AP1B1: variants seen among roughly 807,000 people sequenced by gnomAD.
AP1B1 encodes AP-1 complex subunit beta-1.
In AP1B1, 36 loss-of-function variants were observed where a neutral mutation model predicts 104.3. The ratio of observed to expected loss-of-function variants is 0.35; its 90% CI spans 0.26 to 0.46. The LOEUF is 0.46. Ranked by LOEUF, AP1B1 falls within the 20% of genes least tolerant of loss-of-function variation. AP1B1 has a pLI of 1.00. For missense variants in AP1B1, 901 were observed against 1,247.9 expected (o/e 0.72, Z 4.19); for synonymous variants, 504 against 517.5 (o/e 0.97, Z 0.35).
intron 16 of AP1B1, among the ~76,000 whole-genome samples, chr22:29,336,054 C>G (rs1451768009): frequency 2.0e-5 from 3 of 152,166 alleles, no homozygotes; most frequent in African/African-American, 7.2e-5. Flanking sequence ...GGGTTCATGG[C>G]ATCTCACACA....
chr22:29,351,108 C>G (rs1374932041), intron 9 of AP1B1, 63 bp downstream of exon 9: 1 of 1,491,054 alleles, frequency 6.7e-7, no homozygotes, highest in Non-Finnish European at 9.2e-7. Flanking sequence ...TTGAATCAGA[C>G]TGGTTTCCCG....
intron 21 of AP1B1, chr22:29,330,072 G>A (rs2061534146): frequency 7.1e-7 from 1 of 1,412,780 alleles, no homozygotes; most frequent in Admixed American, 2.9e-5. Context: ...CAGGGCCAGG[G>A]CCTGTGCCCA....
chr22:29,378,954 T>C (rs531146826), intron 1 of AP1B1, among the ~76,000 whole-genome samples: 1 of 151,878 alleles, frequency 6.6e-6, no homozygotes, highest in African/African-American at 2.4e-5. Flanking sequence ...AAATGTCACA[T>C]GCAAACGTTC....
At chr22:29,333,128 C>G (rs2061586914) in intron 17 of AP1B1, 1 of 154,680 alleles carries the variant, frequency 6.5e-6, no homozygotes, top group Non-Finnish European at 1.5e-5. Flanking sequence ...CCGGTCTGCC[C>G]AAGGGTCAGG....
Position 29,359,896 on chromosome 22 carries a change from T to C in AP1B1, c.207A>G (p.Val69=), listed in dbSNP as rs2062017093. 2 of 1,614,112 alleles carry C rather than the reference T, an allele frequency of 1.2e-6. No homozygotes were observed. Among genetic ancestry groups the C allele is most frequent in the East Asian group, 4.5e-5 (2 of 44,894 alleles). The change falls in exon 4 of 23, where the codon GTA becomes GTG. Residue 69 remains valine (V), a synonymous_variant. Transcript: ENST00000357586. ...QTDNLELKKL[V]YLYLMNYAKS... is the part of the protein sequence containing the mutation. ...TGGCGTAATTCATCAAGTAGAGGTA[T>C]ACTAGCTTCTTCAGCTCCAGGTTGT...
intron 6 of AP1B1, 30 bp from the exon 7 acceptor site, chr22:29,354,901 C>T (rs549513344): frequency 1.9e-6 from 3 of 1,583,846 alleles, no homozygotes; most frequent in African/African-American, 2.7e-5. Flanking sequence ...ACGGGGCAAA[C>T]AGGAAAGACA....
chr22:29,343,197 C>T (rs1026908304), intron 11 of AP1B1, among the ~76,000 whole-genome samples: 3 of 152,250 alleles, frequency 2.0e-5, no homozygotes, highest in African/African-American at 7.2e-5. Flanking sequence ...TAGTCACGGT[C>T]TCATTTTTGC....
intron 5 of AP1B1, among the ~76,000 whole-genome samples, chr22:29,357,274 G>T (rs2147997509): frequency 6.6e-6 from 1 of 152,114 alleles, no homozygotes; most frequent in Non-Finnish European, 1.5e-5. Flanking sequence ...CGCCATGTTG[G>T]CCAGGCTAGT....
chr22:29,329,539 G>C (rs2061525425), intron 22 of AP1B1, 173 bp downstream of exon 22: 4 of 1,470,514 alleles, frequency 2.7e-6, no homozygotes, highest in South Asian at 1.4e-5. Context: ...TGCACACTGT[G>C]AATGTGTGGA....
At chr22:29,377,281 G>A (rs1485571997) in intron 1 of AP1B1, among the ~76,000 whole-genome samples, 1 of 151,694 alleles carries the variant, frequency 6.6e-6, no homozygotes, top group Non-Finnish European at 1.5e-5. Flanking sequence ...AACAGGTAAG[G>A]CCAGCTGGAA....
At chr22:29,378,211 C>T (rs568352486) in intron 1 of AP1B1, among the ~76,000 whole-genome samples, 1 of 152,146 alleles carries the variant, frequency 6.6e-6, no homozygotes, top group East Asian at 1.9e-4. Flanking sequence ...TATCTGGGTG[C>T]GCTTGCCAAG....
chr22:29,372,400 C>T (rs865774766), intron 1 of AP1B1, among the ~76,000 whole-genome samples: 3 of 140,686 alleles, frequency 2.1e-5, no homozygotes, highest in Admixed American at 7.5e-5. Flanking sequence ...CTCCAGCCTG[C>T]GCAACAAGAA....
At position 29,340,862 on chromosome 22, in the gene AP1B1, C is replaced by T. The variant is rs377696716; in HGVS notation, c.1797-5G>A. The T allele has an allele frequency of 1.4e-4, 226 of 1,587,470 alleles. No homozygotes were observed. The highest frequency in any genetic ancestry group is 1.8e-4 in the Non-Finnish European group (210 of 1,169,146). On this transcript the variant is annotated splice_polypyrimidine_tract_variant and splice_region_variant and intron_variant, in intron 13 of 22. Transcript: ENST00000357586. ...GGGCTCTCTGCGCTCTCACTCCTGC[C>T]GGGACACAGAAGTAGGGTGGAGGCA...
chr22:29,370,733 G>GAGCTGCAGGGTAGCTGGTCAAAGCAC (rs1162518048), intron 1 of AP1B1: 2 of 152,132 alleles, frequency 1.3e-5, no homozygotes, highest in African/African-American at 2.4e-5. Context: ...AAAAGTGACA[G>GAGCTGCAGGGTAGCTGGTCAAAGCAC]AGCTGCAGGG....
chr22:29,362,869 T>G (rs1480874639), intron 3 of AP1B1, 132 bp downstream of exon 3: 4 of 657,726 alleles, frequency 6.1e-6, no homozygotes, highest in Non-Finnish European at 1.1e-5. Flanking sequence ...GGAAGAAAGT[T>G]TTATGAAGGG....
At chr22:29,375,494 C>T (rs1248190029) in intron 1 of AP1B1, among the ~76,000 whole-genome samples, 2 of 151,896 alleles carry the variant, frequency 1.3e-5, no homozygotes, top group Non-Finnish European at 1.5e-5. Flanking sequence ...CAAATGTTTG[C>T]TGGCAAAATG....
chr22:29,334,464 A>G (rs1441620146), intron 16 of AP1B1, 54 bp from the exon 17 acceptor site: 9 of 1,541,544 alleles, frequency 5.8e-6, no homozygotes, highest in Admixed American at 4.8e-5. Flanking sequence ...CTGCAGCCCA[A>G]ACTCAACAGC....
rs2061500885 is a variant in AP1B1, at chr22:29,327,741, A to G, written c.*1080T>C. 6 of 151,910 alleles carry G rather than the reference A, an allele frequency of 3.9e-5. No homozygotes were observed. The South Asian group carries it at 1.2e-3, about 32-fold the overall frequency. The allele number at this position is 151,910 out of a possible 1,614,324, so 9.4% of individuals were successfully genotyped here. A position where few individuals can be genotyped will look rare whatever the true frequency, so the allele number is the denominator to read the frequency against. Reference sequence around the variant, plus strand: ...AAATAAGAGTAAACATACAATATATATTTTCTGATGATATATATTAGATCT... The same window carrying G: ...AAATAAGAGTAAACATACAATATATGTTTTCTGATGATATATATTAGATCT... On this transcript the variant is annotated 3_prime_UTR_variant, in exon 23 of 23. Coordinates refer to ENST00000357586, the MANE Select transcript of AP1B1 (RefSeq NM_001127.4).
At chr22:29,329,275 G>C (rs373595848) in intron 22 of AP1B1, 32 of 1,156,380 alleles carry the variant, frequency 2.8e-5, no homozygotes, top group Admixed American at 1.8e-4. Context: ...TCCCGAGGGG[G>C]TGCGGAGGGC....
Sources: gnomAD v4.1 joint callset for allele counts (sites outside exome capture counted in the v4.1 genomes callset) on GRCh38, gnomAD v4.1.1 for gene constraint, MANE v1.5 for transcripts, NCBI Gene and HGNC (gene_info 2026-07-23, HGNC 2026-07-21) for gene names.